The following MYO3B variants were observed in gnomAD, a reference collection of about 807,000 sequenced individuals.
The protein encoded by MYO3B is myosin-IIIb.
Under a neutral mutation model 174.6 loss-of-function variants are expected in MYO3B, and 156 were observed. The observed-to-expected ratio is 0.89, with a 90% CI of 0.78 to 1.02. MYO3B has a LOEUF of 1.02. Ranked by LOEUF, MYO3B falls within the 50% of genes least tolerant of loss-of-function variation. The pLI is 0.00. For missense variants in MYO3B, 1,632 were observed against 1,639.4 expected (o/e 1.00, Z 0.08); for synonymous variants, 563 against 569.1 (o/e 0.99, Z 0.15).
intron 30 of MYO3B, among the ~76,000 whole-genome samples, chr2:170,541,919 T>TA (rs1690138366): frequency 6.6e-6 from 1 of 152,172 alleles, no homozygotes; most frequent in Non-Finnish European, 1.5e-5. Flanking sequence ...ATAATATATA[T>TA]TTTGAAGGTA....
At chr2:170,546,975 T>C (rs902069920) in intron 32 of MYO3B, among the ~76,000 whole-genome samples, 6 of 152,048 alleles carry the variant, frequency 3.9e-5, no homozygotes, top group African/African-American at 1.4e-4. Context: ...GAGCAGCCAC[T>C]CAAATAAGTC....
intron 32 of MYO3B, among the ~76,000 whole-genome samples, chr2:170,644,319 T>C (rs1056074500): frequency 6.6e-6 from 1 of 152,032 alleles, no homozygotes; most frequent in African/African-American, 2.4e-5. Context: ...GAAGTCTCAC[T>C]CTTGTCACCC....
At chr2:170,260,565 GAGA>G (rs1220877880) in intron 7 of MYO3B, among the ~76,000 whole-genome samples, 9 of 152,174 alleles carry the variant, frequency 5.9e-5, no homozygotes, top group Non-Finnish European at 1.0e-4. Context: ...GTTGGGAGAG[GAGA>G]AGAAGGGTTG....
intron 32 of MYO3B, among the ~76,000 whole-genome samples, chr2:170,576,804 A>T (rs117952619): frequency 6.6e-6 from 1 of 152,116 alleles, no homozygotes; most frequent in Admixed American, 6.6e-5. Flanking sequence ...GCTTGTTGAG[A>T]TTCTTTGCCT....
Position 170,200,257 on chromosome 2 carries a change from A to T in MYO3B, c.294A>T (p.Val98=). The T allele has an allele frequency of 6.2e-7, 1 of 1,612,902 alleles. No individual in the cohort carries two copies. The highest frequency in any genetic ancestry group is 8.5e-7 in the Non-Finnish European group (1 of 1,179,430). ...YGMFYKADHC[V]GGQLWLVLEL... ...TGTTTTACAAAGCGGATCACTGTGT[A>T]GGGGGACAGCTGTGGCTGGTCCTGG... Residue 98 remains valine (V), a synonymous_variant, in exon 3 of 35, where the codon GTA becomes GTT. Coordinates refer to ENST00000408978, the MANE Select transcript of MYO3B (RefSeq NM_138995.5).
At chr2:170,248,808 A>C (rs6745880) in intron 7 of MYO3B, among the ~76,000 whole-genome samples, 3 of 152,086 alleles carry the variant, frequency 2.0e-5, no homozygotes, top group East Asian at 1.9e-4. Context: ...CCATACCTGC[A>C]TATAAACTTA....
intron 30 of MYO3B, among the ~76,000 whole-genome samples, chr2:170,540,024 G>A (rs1689982772): frequency 6.6e-6 from 1 of 152,150 alleles, no homozygotes; most frequent in Non-Finnish European, 1.5e-5. Flanking sequence ...GTGGTTTGAA[G>A]CAAATCACTG....
chr2:170,249,324 C>G (rs1461342910), intron 7 of MYO3B, among the ~76,000 whole-genome samples: 1 of 152,160 alleles, frequency 6.6e-6, no homozygotes, highest in African/African-American at 2.4e-5. Context: ...TTAATTAGTC[C>G]AAGGAGCTAG....
At chr2:170,472,989 C>A (rs1358355800) in intron 25 of MYO3B, among the ~76,000 whole-genome samples, 1 of 152,030 alleles carries the variant, frequency 6.6e-6, no homozygotes, top group Non-Finnish European at 1.5e-5. Context: ...GTGTGAGCCA[C>A]CATGCCTGAA....
intron 32 of MYO3B, among the ~76,000 whole-genome samples, chr2:170,584,662 G>C (rs997540786): frequency 1.3e-5 from 2 of 152,178 alleles, no homozygotes; most frequent in African/African-American, 4.8e-5. Context: ...ACTTGTTAAC[G>C]TGATTAATAA....
intron 22 of MYO3B, among the ~76,000 whole-genome samples, chr2:170,409,648 A>T (rs2094533195): frequency 6.6e-6 from 1 of 152,378 alleles, no homozygotes; most frequent in Admixed American, 6.5e-5. Context: ...TTCAATCAAC[A>T]AACATTTAAA....
intron 8 of MYO3B, among the ~76,000 whole-genome samples, chr2:170,366,362 G>A (rs968866439): frequency 6.6e-6 from 1 of 152,014 alleles, no homozygotes; most frequent in African/African-American, 2.4e-5. Context: ...GTGTAGTGGT[G>A]GGATCATAGC....
chr2:170,620,446 G>C (rs1695817543), intron 32 of MYO3B, among the ~76,000 whole-genome samples: 1 of 152,186 alleles, frequency 6.6e-6, no homozygotes, highest in Non-Finnish European at 1.5e-5. Flanking sequence ...TTTCTCTATA[G>C]ATAGTGACAA....
chr2:170,236,485 T>G (rs1166693208), intron 7 of MYO3B, among the ~76,000 whole-genome samples: 1 of 152,228 alleles, frequency 6.6e-6, no homozygotes, highest in Non-Finnish European at 1.5e-5. Flanking sequence ...AATTACATAC[T>G]TTCTCTAGTA....
intron 7 of MYO3B, among the ~76,000 whole-genome samples, chr2:170,285,749 T>G (rs1258082605): frequency 6.6e-6 from 1 of 152,132 alleles, no homozygotes; most frequent in Non-Finnish European, 1.5e-5. Context: ...TTTTTATTTT[T>G]GGGTATGCTT....
chr2:170,278,029 A>G (rs2093476237), intron 7 of MYO3B, among the ~76,000 whole-genome samples: 1 of 152,210 alleles, frequency 6.6e-6, no homozygotes, highest in Non-Finnish European at 1.5e-5. Context: ...GTAATATTCA[A>G]AATCCCTGAG....
intron 33 of MYO3B, 31 bp downstream of exon 33, chr2:170,651,765 A>C: frequency 6.4e-7 from 1 of 1,569,816 alleles, no homozygotes; most frequent in South Asian, 1.1e-5. Context: ...AAGCTGTTTC[A>C]CTGGCTTTGT....
chr2:170,637,615 A>ATTAT (rs34525928), intron 32 of MYO3B, among the ~76,000 whole-genome samples: 84,407 of 151,498 alleles, frequency 0.56, 24,997 homozygotes, highest in Non-Finnish European at 0.67. Flanking sequence ...CATTTTATGC[A>ATTAT]TTATTTCCGT....
intron 7 of MYO3B, among the ~76,000 whole-genome samples, chr2:170,289,256 T>G (rs1363717569): frequency 6.6e-6 from 1 of 152,118 alleles, no homozygotes; most frequent in East Asian, 1.9e-4. Flanking sequence ...TGTCTTCAAT[T>G]TTTTTGAAGA....
Sources: allele counts gnomAD v4.1 joint callset (sites outside exome capture counted in the v4.1 genomes callset), GRCh38; gene constraint gnomAD v4.1.1; transcripts MANE v1.5; gene names NCBI Gene and HGNC (gene_info 2026-07-23, HGNC 2026-07-21).